SLC12A5: variants seen among roughly 807,000 people sequenced by gnomAD.
The protein encoded by SLC12A5 is solute carrier family 12 member 5.
SLC12A5 carries 18 observed loss-of-function variants against 124.0 expected under a neutral mutation model. The ratio of observed to expected loss-of-function variants is 0.15; its 90% CI spans 0.10 to 0.22. SLC12A5 has a LOEUF of 0.22. Among genes scored for constraint, SLC12A5 ranks in the 10% least tolerant of loss-of-function variants. The probability of loss-of-function intolerance (pLI) is 1.00; values close to 1 mark genes in which losing one functional copy is unlikely to be tolerated. For synonymous variants in SLC12A5, 589 were observed against 568.0 expected (o/e 1.04, Z -0.53); for missense variants, 867 against 1,478.7 (o/e 0.59, Z 6.78).
intron 14 of SLC12A5, 38 bp downstream of exon 14, chr20:46,046,474 G>A (rs1206218211): frequency 6.3e-7 from 1 of 1,577,484 alleles, no homozygotes; most frequent in African/African-American, 1.3e-5. Flanking sequence ...TGAGCCACTT[G>A]CTCACCTCCA....
chr20:46,042,169 G>T (rs753697696), intron 8 of SLC12A5, among the ~76,000 whole-genome samples: 1 of 152,202 alleles, frequency 6.6e-6, no homozygotes, highest in African/African-American at 2.4e-5. Flanking sequence ...AGCGATGTAG[G>T]AGAGGCTGGC....
chr20:46,038,201 A>T (rs1039251959), intron 6 of SLC12A5: 2 of 151,828 alleles, frequency 1.3e-5, no homozygotes, highest in African/African-American at 4.8e-5. Context: ...ATTTTATTTT[A>T]TTTTTTATTT....
In SLC12A5 at chr20:46,035,385, T is replaced by A. The variant is rs375769769; in HGVS notation, c.148-19T>A. 6.2e-7 allele frequency: 1 copy of A among 1,606,122 alleles called. No individual in the cohort carries two copies. On this transcript the variant is annotated intron_variant, in intron 2 of 25. Transcript: ENST00000243964. ...ACTTGCTCCCCCAGCCTCCTAGCAC[T>A]GACACCCTCCCTCCATAGGAGGAGA... is the stretch of plus-strand genomic sequence containing the variant.
chr20:46,053,824 C>T lies in SLC12A5; in HGVS notation c.2679+115C>T. The T allele has an allele frequency of 3.4e-6, 4 of 1,181,470 alleles. No homozygotes were observed. The highest frequency in any genetic ancestry group is 4.6e-6 in the Non-Finnish European group (4 of 864,222). The allele number at this position is 1,181,470 out of a possible 1,614,324, so 73.2% of individuals were successfully genotyped here. A position where few individuals can be genotyped will look rare whatever the true frequency, so the allele number is the denominator to read the frequency against. The stretch of plus-strand genomic sequence containing the variant: ...GCTTATGATGCTGGATCCTTTCCCC[C>T]TCATCCATCTCTTAGCCTCTCACAT... On this transcript the variant is annotated intron_variant, in intron 20 of 25. Transcript: ENST00000243964. The surrounding 1 kb of genome is among the most constrained non-coding windows in gnomAD (Gnocchi z 4.7).
At chr20:46,044,391 G>A (rs920429207) in intron 11 of SLC12A5, among the ~76,000 whole-genome samples, 2 of 152,090 alleles carry the variant, frequency 1.3e-5, no homozygotes, top group Non-Finnish European at 2.9e-5. Context: ...AAAGCCCAGG[G>A]GCTTCAGTCC....
intron 1 of SLC12A5, chr20:46,022,779 A>C (rs2084365811): frequency 2.5e-6 from 1 of 398,540 alleles, no homozygotes; most frequent in South Asian, 1.3e-4. Flanking sequence ...GGCACAGAGT[A>C]TAGGGGAGGG....
intron 13 of SLC12A5, 117 bp downstream of exon 13, chr20:46,046,113 A>G (rs2084593069): frequency 1.1e-6 from 1 of 951,678 alleles, no homozygotes; most frequent in Non-Finnish European, 1.7e-6. Flanking sequence ...GAAGTTCCCC[A>G]TTGGTCATAG....
chr20:46,036,912 G>C, intron 5 of SLC12A5, 117 bp downstream of exon 5: 2 of 1,346,082 alleles, frequency 1.5e-6, no homozygotes, highest in Non-Finnish European at 2.1e-6. Flanking sequence ...TAGGGGGCTG[G>C]GCTGTATCTG....
intron 15 of SLC12A5, 76 bp downstream of exon 15, chr20:46,047,649 AG>A: frequency 1.4e-6 from 2 of 1,415,834 alleles, no homozygotes; most frequent in Non-Finnish European, 1.9e-6. Flanking sequence ...AGGGGTCATG[AG>A]GGATTGGGGT....
At position 46,059,767 on chromosome 20, in the gene SLC12A5, T is replaced by C; in HGVS notation, c.*2162T>C. ...GTTAGATGTTTCATGTCCATTCAAG[T>C]GACTTTTATTCTGAGTGCAATATTT... On this transcript the variant is annotated 3_prime_UTR_variant, in exon 26 of 26. Transcript: ENST00000243964. 1 of 398,078 alleles carries C rather than the reference T, an allele frequency of 2.5e-6. No individual in the cohort carries two copies. The highest frequency in any genetic ancestry group is 4.4e-6 in the Non-Finnish European group (1 of 225,708). The allele number at this position is 398,078 out of a possible 1,614,324, so 24.7% of individuals were successfully genotyped here.
In SLC12A5 at chr20:46,045,162, C is replaced by T. The variant is rs761715273; in HGVS notation, c.1569+22C>T. 1.9e-5 allele frequency: 30 copies of T among 1,546,094 alleles called. No homozygotes were observed. The East Asian group carries it at 2.7e-4, about 14-fold the overall frequency. On this transcript the variant is annotated intron_variant, in intron 12 of 25. Coordinates refer to ENST00000243964, the MANE Select transcript of SLC12A5 (RefSeq NM_020708.5). This position sits in a 1 kb window ranked among gnomAD's most constrained non-coding sequence, Gnocchi z 4.9. Reference sequence around the variant, plus strand: ...GCAGGTCAGTGTGGGAGAAGAACAGCCCACCCTCAGTAGACCAGCCAGGCC... The same window carrying T: ...GCAGGTCAGTGTGGGAGAAGAACAGTCCACCCTCAGTAGACCAGCCAGGCC...
intron 2 of SLC12A5, chr20:46,023,109 C>G: frequency 2.5e-6 from 1 of 399,262 alleles, no homozygotes; most frequent in East Asian, 3.6e-5. Flanking sequence ...CGCCGAAACC[C>G]CTAGAGTAAC....
intron 16 of SLC12A5, among the ~76,000 whole-genome samples, chr20:46,049,395 A>G (rs1196879664): frequency 6.6e-6 from 1 of 152,330 alleles, no homozygotes; most frequent in Middle Eastern, 3.4e-3. Context: ...TGAGTGGATG[A>G]CTGAAGGATA....
Position 46,035,842 on chromosome 20 carries a change from C to T in SLC12A5, c.345C>T (p.Ile115=). The change falls in exon 4 of 26, where the codon ATC becomes ATT. Residue 115 remains isoleucine (I), a synonymous_variant. Transcript: ENST00000243964. ...LPCLQNIFGV[I]LFLRLTWVVG... ...GCCTGCAGAACATCTTTGGCGTCAT[C>T]CTCTTCCTGCGGCTCACCTGGGTGG... 6.2e-7 allele frequency: 1 copy of T among 1,614,172 alleles called. No individual in the cohort carries two copies. Among genetic ancestry groups the T allele is most frequent in the Non-Finnish European group, 8.5e-7 (1 of 1,180,004 alleles).
intron 1 of SLC12A5, among the ~76,000 whole-genome samples, chr20:46,030,371 G>C (rs2084438135): frequency 6.6e-6 from 1 of 152,204 alleles, no homozygotes; most frequent in Admixed American, 6.5e-5. Flanking sequence ...AGGGGCTTGG[G>C]ACAAGTCCTT....
rs565887125 is a variant in SLC12A5, at chr20:46,058,833, C to G, written c.*1228C>G. On this transcript the variant is annotated 3_prime_UTR_variant, in exon 26 of 26. Coordinates refer to ENST00000243964, the MANE Select transcript of SLC12A5 (RefSeq NM_020708.5). The surrounding 1 kb of genome is among the most constrained non-coding windows in gnomAD (Gnocchi z 5.8). ...CCTCCCCCGTCCCCATCTGGCAGCT[C>G]CTGTCTCGCCTGAGGGACCCAGCCG... 4.6e-4 allele frequency: 183 copies of G among 397,830 alleles called. 1 individual carries two copies. Among genetic ancestry groups the G allele is most frequent in the African/African-American group, 3.4e-3 (164 of 48,768 alleles). 24.6% of individuals were successfully genotyped at this position (397,830 alleles called of 1,614,324 possible). A position where few individuals can be genotyped will look rare whatever the true frequency, so the allele number is the denominator to read the frequency against.
At position 46,035,877 on chromosome 20, in the gene SLC12A5, C is replaced by A; in HGVS notation, c.380C>A (p.Ala127Glu). ...FLRLTWVVGIAGIMESFCMVF... is the reference protein window; with the variant it reads ...FLRLTWVVGIEGIMESFCMVF... ...CGGCTCACCTGGGTGGTGGGCATTG[C>A]AGGCATCATGGAGTCCTTCTGCATG... The change falls in exon 4 of 26, where the codon GCA (alanine) becomes GAA (glutamate). Residue 127 changes from alanine to glutamate, a missense_variant. This residue lies in a region of SLC12A5 where 126 missense variants were observed against 291.6 expected (regional missense o/e 0.43). Coordinates refer to ENST00000243964, the MANE Select transcript of SLC12A5 (RefSeq NM_020708.5). 1 of 1,614,110 alleles carries A rather than the reference C, an allele frequency of 6.2e-7. No individual in the cohort carries two copies. The highest frequency in any genetic ancestry group is 1.1e-5 in the South Asian group (1 of 91,080).
intron 3 of SLC12A5, 39 bp downstream of exon 3, chr20:46,035,574 CGGATGGGGGGTGGGGGA>C: frequency 3.9e-6 from 2 of 511,854 alleles, no homozygotes; most frequent in Non-Finnish European, 6.4e-6. Context: ...AGAAAAGGGA[CGGATGGGGGGTGGGGGA>C]GGATGGGGGA....
rs1188046409 is a variant in SLC12A5 at position 46,056,274 on chromosome 20, T to G, written c.2910+2T>G. ...AGTGAAGAGAAGCCAGAGGAGGAGG[T>G]GTGCAGCTTGGGTGGTTTGGCCCCA... On this transcript the variant is annotated splice_donor_variant, in intron 22 of 25. Transcript: ENST00000243964. LOFTEE classifies it high-confidence loss of function. The surrounding 1 kb of genome is among the most constrained non-coding windows in gnomAD (Gnocchi z 4.3). 1 of 1,613,568 alleles carries G rather than the reference T, an allele frequency of 6.2e-7. No homozygotes were observed. Among genetic ancestry groups the G allele is most frequent in the African/African-American group, 1.3e-5 (1 of 74,762 alleles).
Sources: allele counts gnomAD v4.1 joint callset (sites outside exome capture counted in the v4.1 genomes callset), GRCh38; gene constraint gnomAD v4.1.1; regional missense constraint gnomAD v4.1.1; non-coding constraint Gnocchi (gnomAD v3.1); transcripts MANE v1.5; gene names NCBI Gene and HGNC (gene_info 2026-07-23, HGNC 2026-07-21).